The following LINGO2 variants were observed in gnomAD, a reference collection of about 807,000 sequenced individuals.
LINGO2 encodes the protein leucine rich repeat and Ig domain containing 2, also known as leucine-rich repeat and immunoglobulin-like domain-containing nogo receptor-interacting protein 2.
In LINGO2, 14 loss-of-function variants were observed where a neutral mutation model predicts 30.6. That is an observed-to-expected ratio of 0.46 (90% CI 0.30 to 0.72). LINGO2 has a LOEUF of 0.72. Among genes scored for constraint, LINGO2 ranks in the 30% least tolerant of loss-of-function variants. The pLI, the probability that LINGO2 is intolerant of heterozygous loss-of-function variation, is 0.07. For missense variants in LINGO2, 729 were observed against 751.7 expected (o/e 0.97, Z 0.35); for synonymous variants, 317 against 288.5 (o/e 1.10, Z -1.00).
At chr9:28,587,242 C>T (rs1371883966) in intron 1 of LINGO2, among the ~76,000 whole-genome samples, 2 of 152,022 alleles carry the variant, frequency 1.3e-5, no homozygotes, top group Non-Finnish European at 2.9e-5. Flanking sequence ...ACAAGTTCTG[C>T]TGTGCTAACT....
At chr9:28,135,221 T>G (rs1302270163) in intron 4 of LINGO2, among the ~76,000 whole-genome samples, 1 of 151,738 alleles carries the variant, frequency 6.6e-6, no homozygotes, top group Admixed American at 6.6e-5. Context: ...ATACATGAAG[T>G]GATTGCTATG....
the LINGO2 span, among the ~76,000 whole-genome samples, chr9:28,781,988 A>G: frequency 6.6e-6 from 1 of 152,210 alleles, no homozygotes. Flanking sequence ...ATATTTTCAC[A>G]GTAACTTATA....
rs1028892380 is a variant in LINGO2, at chr9:28,070,787, G to A, written c.-86-58382C>T. On this transcript the variant is annotated intron_variant, in intron 4 of 5. Coordinates refer to ENST00000379992, the Ensembl canonical transcript of LINGO2. ...AGTGCAGTGGCATGATCACAGGTTC[G>A]CTGTAACTTTGAACTCCTAGGCTCA... 3.3e-5 allele frequency among the ~76,000 whole-genome samples: 5 copies of A among 152,012 alleles called. No homozygotes were observed. In the East Asian group the frequency reaches 9.7e-4, roughly 29 times the overall value.
intron 1 of LINGO2, among the ~76,000 whole-genome samples, chr9:28,552,812 G>A (rs1320736911): frequency 6.9e-6 from 1 of 145,702 alleles, no homozygotes; most frequent in Non-Finnish European, 1.5e-5. Context: ...TTTCATTCTG[G>A]AACAGCTTTT....
intron 2 of LINGO2, among the ~76,000 whole-genome samples, chr9:28,454,563 T>C (rs1824771850): frequency 6.6e-6 from 1 of 152,132 alleles, no homozygotes; most frequent in Admixed American, 6.6e-5. Flanking sequence ...TGTTGGTATT[T>C]AGGATACATA....
intron 1 of LINGO2, among the ~76,000 whole-genome samples, chr9:28,661,681 A>C (rs889195494): frequency 6.6e-6 from 1 of 152,140 alleles, no homozygotes; most frequent in Non-Finnish European, 1.5e-5. Flanking sequence ...ATTTTGAAAA[A>C]TTTGAGACAT....
At chr9:28,246,353 G>T (rs1330951185) in intron 4 of LINGO2, among the ~76,000 whole-genome samples, 1 of 152,024 alleles carries the variant, frequency 6.6e-6, no homozygotes, top group African/African-American at 2.4e-5. Flanking sequence ...GAACCCAGGG[G>T]GAGGCGGAGT....
intron 4 of LINGO2, among the ~76,000 whole-genome samples, chr9:28,172,318 G>C (rs1828624999): frequency 1.3e-5 from 2 of 149,784 alleles, no homozygotes; most frequent in South Asian, 4.2e-4. Flanking sequence ...GTGAACCCGG[G>C]AGGCGGAGCT....
the LINGO2 span, among the ~76,000 whole-genome samples, chr9:28,765,583 T>C: frequency 5.3e-5 from 8 of 152,052 alleles, no homozygotes; most frequent in Non-Finnish European, 8.8e-5. Flanking sequence ...GATTAGTTCC[T>C]GGAAGAGTGG....
At chr9:28,588,907 C>A (rs1000317652) in intron 1 of LINGO2, among the ~76,000 whole-genome samples, 1 of 152,016 alleles carries the variant, frequency 6.6e-6, no homozygotes, top group African/African-American at 2.4e-5. Flanking sequence ...TAGTGCACTG[C>A]TGTGCAAGCT....
the LINGO2 span, among the ~76,000 whole-genome samples, chr9:28,918,604 G>A: frequency 8.5e-5 from 13 of 152,112 alleles, no homozygotes; most frequent in Non-Finnish European, 1.6e-4. Context: ...AGGAGCCTAC[G>A]TCTCTAATGA....
chr9:27,983,423 G>C (rs1280287361), intron 5 of LINGO2, among the ~76,000 whole-genome samples: 1 of 151,714 alleles, frequency 6.6e-6, no homozygotes, highest in African/African-American at 2.4e-5. Flanking sequence ...ATTGACCCTG[G>C]ATTCAGAAAA....
At chr9:28,055,429 G>A (rs914951021) in intron 4 of LINGO2, among the ~76,000 whole-genome samples, 5 of 152,072 alleles carry the variant, frequency 3.3e-5, no homozygotes, top group Non-Finnish European at 7.4e-5. Flanking sequence ...ATTTCTGTTG[G>A]GTATAAGGGC....
chr9:29,056,332 G>C, the LINGO2 span, among the ~76,000 whole-genome samples: 2 of 152,060 alleles, frequency 1.3e-5, no homozygotes, highest in African/African-American at 4.8e-5. Context: ...GTTTTGATTT[G>C]CATTTCCCTG....
chr9:28,581,210 CAG>C (rs1824241366), intron 1 of LINGO2, among the ~76,000 whole-genome samples: 1 of 151,772 alleles, frequency 6.6e-6, no homozygotes, highest in Non-Finnish European at 1.5e-5. Flanking sequence ...AAGTTTCTTA[CAG>C]TAAGAAAACA....
rs186724934 is a variant in LINGO2, at chr9:28,473,356, C to T, written c.-279+2584G>A. On this transcript the variant is annotated intron_variant, in intron 2 of 5. Transcript: ENST00000379992. ...AGATGGATCATCGTCTTTCTCCATTCTGTGGTCGTCTCACCTTGATCTGAT... is the reference window on the plus strand; with the variant it reads ...AGATGGATCATCGTCTTTCTCCATTTTGTGGTCGTCTCACCTTGATCTGAT... Among the ~76,000 whole-genome samples the T allele has an allele frequency of 1.6e-4, 25 of 152,048 alleles. No homozygotes were observed. The East Asian group carries it at 2.5e-3, about 15-fold the overall frequency.
intron 3 of LINGO2, among the ~76,000 whole-genome samples, chr9:28,362,765 G>A (rs546971071): frequency 2.0e-5 from 3 of 152,182 alleles, no homozygotes; most frequent in East Asian, 3.9e-4. Flanking sequence ...CACCACGCCC[G>A]ACCCAGAAAA....
chr9:29,182,688 G>GT, the LINGO2 span, among the ~76,000 whole-genome samples: 140 of 147,158 alleles, frequency 9.5e-4, 1 homozygote, highest in Admixed American at 1.4e-3. Flanking sequence ...AAATCTGTAG[G>GT]TTTTTTTTTT....
At chr9:28,484,350 G>T (rs1826087459) in intron 1 of LINGO2, among the ~76,000 whole-genome samples, 1 of 152,052 alleles carries the variant, frequency 6.6e-6, no homozygotes, top group African/African-American at 2.4e-5. Flanking sequence ...TTTATATAGA[G>T]TGGAAGGCTT....
Sources: gnomAD v4.1 joint callset for allele counts (sites outside exome capture counted in the v4.1 genomes callset) on GRCh38, gnomAD v4.1.1 for gene constraint, MANE v1.5 for transcripts, NCBI Gene and HGNC (gene_info 2026-07-23, HGNC 2026-07-21) for gene names.